The following SCYL3 variants were observed in gnomAD, a reference collection of about 807,000 sequenced individuals.
SCYL3 encodes protein-associating with the carboxyl-terminal domain of ezrin.
A neutral mutation model predicts 73.8 loss-of-function variants in SCYL3; 35 were observed. The ratio of observed to expected loss-of-function variants is 0.47; its 90% CI spans 0.36 to 0.63. The LOEUF is 0.63. Among genes scored for constraint, SCYL3 ranks in the 20% least tolerant of loss-of-function variants. SCYL3 has a pLI of 0.00. For missense variants in SCYL3, 712 were observed against 798.9 expected, an observed-to-expected ratio of 0.89 and a Z score of 1.31; for synonymous variants, 277 against 295.2, an observed-to-expected ratio of 0.94 and a Z score of 0.63.
chr1:169,855,495 C>CTA (rs1401039083), intron 11 of SCYL3, among the ~76,000 whole-genome samples: 1 of 152,212 alleles, frequency 6.6e-6, no homozygotes, highest in Non-Finnish European at 1.5e-5. Flanking sequence ...CGCCCATTAA[C>CTA]ATCTTTCAAA....
intron 1 of SCYL3, among the ~76,000 whole-genome samples, chr1:169,891,714 G>C (rs372399917): frequency 2.0e-4 from 30 of 152,324 alleles, no homozygotes; most frequent in African/African-American, 7.0e-4. Context: ...CCTCATGGGA[G>C]ATAAGACTGC....
At chr1:169,880,995 C>T (rs1262226065) in intron 2 of SCYL3, among the ~76,000 whole-genome samples, 1 of 152,126 alleles carries the variant, frequency 6.6e-6, no homozygotes, top group Non-Finnish European at 1.5e-5. Context: ...TTCCTGACCT[C>T]GGGCAATCCG....
rs532986473 is a variant in SCYL3 at position 169,870,234 on chromosome 1, A to C, written c.625+21T>G. On this transcript the variant is annotated intron_variant, in intron 6 of 12. Coordinates refer to ENST00000367771, the MANE Select transcript of SCYL3 (RefSeq NM_020423.7). ...ATTTTCCTACTTATTCTATAGATGC[A>C]GTAGTATAACTCCAACTCACCCTGT... is the stretch of plus-strand genomic sequence containing the variant. 4.0e-6 allele frequency: 6 copies of C among 1,501,840 alleles called. No homozygotes were observed. The South Asian group carries it at 6.8e-5, about 17-fold the overall frequency. The allele number at this position is 1,501,840 out of a possible 1,614,324, so 93.0% of individuals were successfully genotyped here.
rs1248983315 is a variant in SCYL3 at position 169,853,096 on chromosome 1, A to AAAAT, written c.*613_*616dup. The AAAAT allele has an allele frequency of 3.4e-5, 34 of 1,006,032 alleles. No homozygotes were observed. The Admixed American group carries it at 5.1e-4, about 15-fold the overall frequency. The allele number at this position is 1,006,032 out of a possible 1,614,324, so 62.3% of individuals were successfully genotyped here. On this transcript the variant is annotated 3_prime_UTR_variant, in exon 13 of 13. Transcript: ENST00000367771. Reference sequence around the variant, plus strand: ...AAATTTTGTAAAGTTGAATCTAGTGAAAATAATCTTTATTTGACATTTAGA... The same window carrying AAAAT: ...AAATTTTGTAAAGTTGAATCTAGTGAAAATAAATAATCTTTATTTGACATTTAGA...
chr1:169,880,141 C>T (rs574945213), intron 2 of SCYL3, among the ~76,000 whole-genome samples: 34 of 151,784 alleles, frequency 2.2e-4, no homozygotes, highest in African/African-American at 7.5e-4. Flanking sequence ...GAGACCAGAG[C>T]CTCAGACACC....
rs1408250719 is a variant in SCYL3 at position 169,866,880 on chromosome 1, A to C, written c.815+16T>G. The C allele has an allele frequency of 7.2e-7, 1 of 1,383,324 alleles. No individual in the cohort carries two copies. The highest frequency in any genetic ancestry group is 1.8e-5 in the Admixed American group (1 of 55,108). 85.7% of individuals were successfully genotyped at this position (1,383,324 alleles called of 1,614,324 possible). On this transcript the variant is annotated intron_variant, in intron 8 of 12. Coordinates refer to ENST00000367771, the MANE Select transcript of SCYL3 (RefSeq NM_020423.7). The stretch of plus-strand genomic sequence containing the variant: ...TCCAAGTTATTCAATTTAAATTCTT[A>C]ATTTTCTGAACTTACTTAAAGAATT...
At chr1:169,859,011 CA>C (rs770741915) in intron 11 of SCYL3, 29 bp downstream of exon 11, 2 of 1,599,482 alleles carry the variant, frequency 1.3e-6, no homozygotes, top group Admixed American at 3.5e-5. Context: ...AAATGACACA[CA>C]AAAAGTTAGA....
At position 169,852,547 on chromosome 1, in the gene SCYL3, G is replaced by C. The variant is rs933561379; in HGVS notation, c.*1166C>G. 2 of 514,798 alleles carry C rather than the reference G, an allele frequency of 3.9e-6. No homozygotes were observed. Among genetic ancestry groups the C allele is most frequent in the African/African-American group, 3.8e-5 (2 of 52,334 alleles). 31.9% of individuals were successfully genotyped at this position (514,798 alleles called of 1,614,324 possible). On this transcript the variant is annotated 3_prime_UTR_variant, in exon 13 of 13. Coordinates refer to ENST00000367771, the MANE Select transcript of SCYL3 (RefSeq NM_020423.7). The stretch of plus-strand genomic sequence containing the variant: ...TCTCATTGGGAGCCCTTTGGGACAG[G>C]ATACTTGTTGTATACCACATACAAA...
chr1:169,892,570 A>G (rs904329538), intron 1 of SCYL3, among the ~76,000 whole-genome samples: 2 of 152,276 alleles, frequency 1.3e-5, no homozygotes, highest in Non-Finnish European at 2.9e-5. Context: ...AGTCACAAGA[A>G]GGTAGAAAAG....
chr1:169,867,333 C>T (rs750011946), intron 7 of SCYL3, among the ~76,000 whole-genome samples: 1 of 152,202 alleles, frequency 6.6e-6, no homozygotes, highest in Non-Finnish European at 1.5e-5. Flanking sequence ...ACTCTCAAGT[C>T]TCCTTTGATG....
Position 169,870,371 on chromosome 1 carries a change from A to G in SCYL3, c.523-14T>C. On this transcript the variant is annotated splice_polypyrimidine_tract_variant and intron_variant, in intron 5 of 12. Transcript: ENST00000367771. Reference sequence around the variant, plus strand: ...GAATTCTGGAGACTAAAAGCAGTGAAGACAATTAAAACTAGAGGATCTGCC... The same window carrying G: ...GAATTCTGGAGACTAAAAGCAGTGAGGACAATTAAAACTAGAGGATCTGCC... 1 of 1,574,072 alleles carries G rather than the reference A, an allele frequency of 6.4e-7. No homozygotes were observed. Among genetic ancestry groups the G allele is most frequent in the Non-Finnish European group, 8.7e-7 (1 of 1,145,526 alleles).
At chr1:169,862,834 A>T (rs764198942) in intron 9 of SCYL3, 37 bp from the exon 10 acceptor site, 3 of 1,600,856 alleles carry the variant, frequency 1.9e-6, no homozygotes, top group South Asian at 2.2e-5. Flanking sequence ...TGAAAAAACA[A>T]ATTTTCATTT....
chr1:169,852,799 A>C lies in SCYL3; in HGVS notation c.*914T>G, dbSNP rs766323139. ...TATGTTTTTTTTCCAGCCTTATGCA[A>C]AAAGAGCTCGTCAGGAGTTCCCCTG... is the stretch of plus-strand genomic sequence containing the variant. On this transcript the variant is annotated 3_prime_UTR_variant, in exon 13 of 13. Coordinates refer to ENST00000367771, the MANE Select transcript of SCYL3 (RefSeq NM_020423.7). The C allele has an allele frequency of 3.1e-6, 5 of 1,613,970 alleles. No individual in the cohort carries two copies. Among genetic ancestry groups the C allele is most frequent in the Non-Finnish European group, 4.2e-6 (5 of 1,179,918 alleles).
chr1:169,892,726 C>T (rs1470905920), intron 1 of SCYL3, among the ~76,000 whole-genome samples: 1 of 152,186 alleles, frequency 6.6e-6, no homozygotes, highest in Admixed American at 6.5e-5. Flanking sequence ...ACTTGGGCAG[C>T]ACATAAAATT....
chr1:169,876,518 TTTTA>T (rs1411176840), intron 3 of SCYL3, among the ~76,000 whole-genome samples: 1 of 152,214 alleles, frequency 6.6e-6, no homozygotes, highest in African/African-American at 2.4e-5. Context: ...ACATAGGTTA[TTTTA>T]TTTATTTTCT....
At chr1:169,858,155 CTGTT>C (rs769197316) in intron 11 of SCYL3, among the ~76,000 whole-genome samples, 1 of 152,190 alleles carries the variant, frequency 6.6e-6, no homozygotes, top group East Asian at 1.9e-4. Context: ...ATGTTTTTAA[CTGTT>C]TGACTTTTTT....
Position 169,851,972 on chromosome 1 carries a change from A to G in SCYL3, c.*1741T>C. 10 of 1,613,774 alleles carry G rather than the reference A, an allele frequency of 6.2e-6. No individual in the cohort carries two copies. The highest frequency in any genetic ancestry group is 1.1e-5 in the South Asian group (1 of 91,072). On this transcript the variant is annotated 3_prime_UTR_variant, in exon 13 of 13. Coordinates refer to ENST00000367771, the MANE Select transcript of SCYL3 (RefSeq NM_020423.7). ...ATTTCAATAGGGGCCAAACTTTAAC[A>G]AGGCAAATTCTGCCCTTTTTACTTA...
At chr1:169,859,730 A>G (rs548213974) in intron 10 of SCYL3, 1 of 152,596 alleles carries the variant, frequency 6.6e-6, no homozygotes, top group Non-Finnish European at 1.5e-5. Context: ...TTCAGTTTAT[A>G]TAGGTTTACT....
chr1:169,890,995 G>A (rs566982248), intron 1 of SCYL3, among the ~76,000 whole-genome samples: 4 of 152,278 alleles, frequency 2.6e-5, no homozygotes, highest in African/African-American at 9.6e-5. Flanking sequence ...ACCTCTTCTT[G>A]GGCACAGTTA....
Sources: gnomAD v4.1 joint callset for allele counts (sites outside exome capture counted in the v4.1 genomes callset) on GRCh38, gnomAD v4.1.1 for gene constraint, MANE v1.5 for transcripts, NCBI Gene and HGNC (gene_info 2026-07-23, HGNC 2026-07-21) for gene names.